Variants in KALRN observed in about 807,000 individuals in gnomAD.
KALRN encodes the protein kalirin.
A neutral mutation model predicts 353.7 loss-of-function variants in KALRN; 70 were observed. That is an observed-to-expected ratio of 0.20 (90% CI 0.16 to 0.24). KALRN has a LOEUF of 0.24. Ranked by LOEUF, KALRN falls within the 10% of genes least tolerant of loss-of-function variation. The probability of loss-of-function intolerance (pLI) is 1.00; values close to 1 mark genes in which losing one functional copy is unlikely to be tolerated. For synonymous variants in KALRN, 1,391 were observed against 1,434.8 expected (o/e 0.97, Z 0.69); for missense variants, 2,791 against 3,756.7 (o/e 0.74, Z 6.72).
At chr3:124,701,951 G>A in intron 56 of KALRN, 87 bp from the exon 57 acceptor site, 2 of 967,860 alleles carry the variant, frequency 2.1e-6, no homozygotes, top group Non-Finnish European at 3.3e-6. Context: ...AATTGCTTTG[G>A]GGTTACTCTG....
At chr3:124,127,629 A>G (rs1578356702) in intron 1 of KALRN, among the ~76,000 whole-genome samples, 1 of 152,212 alleles carries the variant, frequency 6.6e-6, no homozygotes, top group Non-Finnish European at 1.5e-5. Context: ...CCTCTAGATG[A>G]TCTCTGAGTG....
At chr3:124,706,412 G>A (rs574833663) in intron 57 of KALRN, among the ~76,000 whole-genome samples, 7 of 152,288 alleles carry the variant, frequency 4.6e-5, no homozygotes, top group African/African-American at 1.7e-4. Context: ...AAAGCAGAGG[G>A]CTCTTTCTCT....
chr3:124,249,401 A>G (rs1382325106), intron 3 of KALRN, among the ~76,000 whole-genome samples: 3 of 152,334 alleles, frequency 2.0e-5, no homozygotes, highest in Non-Finnish European at 4.4e-5. Flanking sequence ...CTGGATTGTA[A>G]AGGAAATAGA....
chr3:124,657,727 C>A lies in KALRN; in HGVS notation c.5967-7C>A. ...GCTTCCTTCTCTTATCCCCTTTCTC[C>A]TTTTAGTTTTTTCCTGGCGGAACTG... On this transcript the variant is annotated splice_region_variant and splice_polypyrimidine_tract_variant and intron_variant, in intron 40 of 59. Transcript: ENST00000682506. 6.2e-7 allele frequency: 1 copy of A among 1,608,974 alleles called. No individual in the cohort carries two copies. Among genetic ancestry groups the A allele is most frequent in the Non-Finnish European group, 8.5e-7 (1 of 1,175,392 alleles).
intron 57 of KALRN, among the ~76,000 whole-genome samples, chr3:124,710,647 G>C (rs1180721909): frequency 1.3e-5 from 2 of 152,102 alleles, no homozygotes; most frequent in Non-Finnish European, 2.9e-5. Flanking sequence ...AAATTAGACA[G>C]GTATGGTGGT....
At chr3:124,095,095 C>G (rs1045967145) in intron 1 of KALRN, among the ~76,000 whole-genome samples, 1 of 152,056 alleles carries the variant, frequency 6.6e-6, no homozygotes, top group African/African-American at 2.4e-5. Context: ...ACATGTATGA[C>G]CCAGCTGGGA....
Position 124,661,862 on chromosome 3 carries a change from G to A in KALRN, c.6279G>A (p.Glu2093=). ...GTTCTTTCCCACAGAAAGCAGTGGA[G>A]TTAATGTGCCTTGTTCCCAAACGCT... The part of the protein sequence containing the change: ...LECSDIEKAV[E]LMCLVPKRCN... Residue 2093 remains glutamate, a synonymous_variant, in exon 45 of 60, where the codon GAG becomes GAA. Coordinates refer to ENST00000682506, the MANE Select transcript of KALRN (RefSeq NM_001388419.1). 6.2e-7 allele frequency: 1 copy of A among 1,614,016 alleles called. No homozygotes were observed. Among genetic ancestry groups the A allele is most frequent in the Non-Finnish European group, 8.5e-7 (1 of 1,179,872 alleles).
chr3:124,562,382 G>A (rs1001565270), intron 33 of KALRN, among the ~76,000 whole-genome samples: 1 of 152,128 alleles, frequency 6.6e-6, no homozygotes, highest in African/African-American at 2.4e-5. Context: ...TAGAATAGAT[G>A]CCCATACAAT....
At chr3:124,679,410 T>C in intron 50 of KALRN, 48 bp from the exon 51 acceptor site, 1 of 1,538,966 alleles carries the variant, frequency 6.5e-7, no homozygotes, top group African/African-American at 1.4e-5. Flanking sequence ...GCTACTTGTG[T>C]TCTAACTGTG....
At chr3:124,705,802 CCCTTCCTTCCTTCCTTCCTCCCTTCCTT>C (rs1341594815) in intron 57 of KALRN, among the ~76,000 whole-genome samples, 2 of 149,024 alleles carry the variant, frequency 1.3e-5, no homozygotes, top group Non-Finnish European at 3.0e-5. Context: ...ACTGGTCCCT[CCCTTCCTTCCTTCCTTCCTCCCTTCCTT>C]CCTTCCTTCC....
chr3:124,555,452 AATAAATAAAT>A (rs1244433656), intron 33 of KALRN, among the ~76,000 whole-genome samples: 2 of 148,080 alleles, frequency 1.4e-5, no homozygotes, highest in Non-Finnish European at 1.5e-5. Flanking sequence ...TAAATAAATA[AATAAATAAAT>A]AAAGTTATCT....
At chr3:124,668,810 G>T (rs1367605609) in intron 47 of KALRN, among the ~76,000 whole-genome samples, 1 of 152,100 alleles carries the variant, frequency 6.6e-6, no homozygotes, top group Non-Finnish European at 1.5e-5. Flanking sequence ...AACTTCAAAT[G>T]AACACTTTTG....
chr3:124,392,789 ATT>A (rs200007143), intron 11 of KALRN, among the ~76,000 whole-genome samples: 7 of 145,764 alleles, frequency 4.8e-5, no homozygotes, highest in African/African-American at 1.0e-4. Context: ...ATTTTTTTTT[ATT>A]TTTTTTTTAT....
At chr3:124,331,927 C>T (rs1351667769) in intron 8 of KALRN, among the ~76,000 whole-genome samples, 1 of 152,150 alleles carries the variant, frequency 6.6e-6, no homozygotes, top group Non-Finnish European at 1.5e-5. Context: ...ATTTCTAGGA[C>T]TTGGGACTCC....
At chr3:124,130,966 G>C (rs564775540) in intron 1 of KALRN, among the ~76,000 whole-genome samples, 1 of 152,132 alleles carries the variant, frequency 6.6e-6, no homozygotes, top group Non-Finnish European at 1.5e-5. Flanking sequence ...TGACTGGAAG[G>C]GGGCATGAGG....
chr3:124,559,132 C>T (rs1025915197), intron 33 of KALRN, among the ~76,000 whole-genome samples: 31 of 152,200 alleles, frequency 2.0e-4, no homozygotes, highest in Non-Finnish European at 3.2e-4. Context: ...ATGTATGTAG[C>T]GGTCCATGCT....
At chr3:124,165,408 A>G (rs1169538483) in intron 1 of KALRN, among the ~76,000 whole-genome samples, 1 of 152,130 alleles carries the variant, frequency 6.6e-6, no homozygotes, top group Non-Finnish European at 1.5e-5. Flanking sequence ...GGGCCTGGGT[A>G]CCAATATTTT....
At chr3:124,188,545 T>C (rs1399653231) in intron 1 of KALRN, among the ~76,000 whole-genome samples, 1 of 152,208 alleles carries the variant, frequency 6.6e-6, no homozygotes, top group Middle Eastern at 3.2e-3. Context: ...GCGTCTCTTG[T>C]AATGTGCCAG....
At chr3:124,057,227 C>T (rs2041630840) in intron 1 of KALRN, among the ~76,000 whole-genome samples, 1 of 152,126 alleles carries the variant, frequency 6.6e-6, no homozygotes, top group Non-Finnish European at 1.5e-5. Context: ...TCCCACCATA[C>T]CGCCCCCACT....
Sources: allele counts gnomAD v4.1 joint callset (sites outside exome capture counted in the v4.1 genomes callset), GRCh38; gene constraint gnomAD v4.1.1; transcripts MANE v1.5; gene names NCBI Gene and HGNC (gene_info 2026-07-23, HGNC 2026-07-21).